Variants in BMERB1 observed in about 807,000 individuals in gnomAD.
BMERB1 encodes the protein bMERB domain-containing protein 1.
Under a neutral mutation model 23.6 loss-of-function variants are expected in BMERB1, and 12 were observed. The observed-to-expected ratio is 0.51, with a 90% confidence interval of 0.33 to 0.82. The LOEUF (loss-of-function observed/expected upper bound fraction) is 0.82, where lower values mean the gene tolerates loss of function less well. Ranked by LOEUF, BMERB1 falls within the 40% of genes least tolerant of loss-of-function variation. The pLI is 0.03. For missense variants in BMERB1, 247 were observed against 255.4 expected, an observed-to-expected ratio of 0.97 and a Z score of 0.22; for synonymous variants, 122 against 96.6, an observed-to-expected ratio of 1.26 and a Z score of -1.54.
In BMERB1 at chr16:15,505,887, CAAAAAAA is replaced by C. The variant is rs754187273; in HGVS notation, c.107-9406_107-9400del. 1.6e-4 allele frequency among the ~76,000 whole-genome samples: 9 copies of C among 55,650 alleles called. No individual in the cohort carries two copies. The South Asian group carries it at 4.4e-3, about 27-fold the overall frequency. The allele number at this position is 55,650 out of a possible 152,430, so 36.5% of individuals were successfully genotyped here. A position where few individuals can be genotyped will look rare whatever the true frequency, so the allele number is the denominator to read the frequency against. On this transcript the variant is annotated intron_variant, in intron 1 of 5. Coordinates refer to ENST00000300006, the MANE Select transcript of BMERB1 (RefSeq NM_033201.3). ...TGGGTGACAGAGCGAGACGCCGTTT[CAAAAAAA>C]AAAAAAAAAAAGTGAATGTCATGAC...
At chr16:15,485,057 T>C (rs1244272034) in intron 1 of BMERB1, among the ~76,000 whole-genome samples, 1 of 152,220 alleles carries the variant, frequency 6.6e-6, no homozygotes, top group African/African-American at 2.4e-5. Flanking sequence ...AGCCATCAGG[T>C]AGCAATCCCA....
At chr16:15,493,111 G>C (rs570445960) in intron 1 of BMERB1, among the ~76,000 whole-genome samples, 2 of 152,256 alleles carry the variant, frequency 1.3e-5, no homozygotes, top group African/African-American at 4.8e-5. Context: ...CCAGCACTTT[G>C]GGAGGCTGAG....
intron 1 of BMERB1, among the ~76,000 whole-genome samples, chr16:15,513,818 C>T (rs114411948): frequency 0.014 from 2,185 of 151,908 alleles, 58 homozygotes; most frequent in African/African-American, 0.051. Flanking sequence ...CACTCGAACC[C>T]GGGAGGTGAA....
At chr16:15,510,411 G>T (rs992527906) in intron 1 of BMERB1, among the ~76,000 whole-genome samples, 60 of 152,156 alleles carry the variant, frequency 3.9e-4, no homozygotes, top group African/African-American at 1.4e-3. Context: ...GAACTTGCTG[G>T]CTTATGGCGA....
At chr16:15,502,494 CTCATT>C in intron 1 of BMERB1, 1 of 889,736 alleles carries the variant, frequency 1.1e-6, no homozygotes, top group East Asian at 2.6e-5. Flanking sequence ...GAAACGGTGA[CTCATT>C]AAAAGCAACG....
intron 2 of BMERB1, among the ~76,000 whole-genome samples, chr16:15,524,716 A>T (rs1337213765): frequency 6.6e-6 from 1 of 152,212 alleles, no homozygotes; most frequent in Admixed American, 6.5e-5. Flanking sequence ...GGTTTCCATG[A>T]GCCAAGATTG....
At chr16:15,523,811 C>T (rs1235973458) in intron 2 of BMERB1, among the ~76,000 whole-genome samples, 2 of 152,168 alleles carry the variant, frequency 1.3e-5, no homozygotes, top group African/African-American at 2.4e-5. Context: ...CATTGTGCTT[C>T]GTGGGAGAGT....
chr16:15,578,063 G>C (rs1386689747), intron 3 of BMERB1, among the ~76,000 whole-genome samples: 3 of 152,078 alleles, frequency 2.0e-5, no homozygotes, highest in Non-Finnish European at 4.4e-5. Context: ...GCATTCCTTG[G>C]GGGGGAAATC....
chr16:15,509,147 T>C (rs533900898), intron 1 of BMERB1, among the ~76,000 whole-genome samples: 32 of 151,990 alleles, frequency 2.1e-4, no homozygotes, highest in African/African-American at 7.5e-4. Context: ...CGCCCCAGGG[T>C]GTGTTGCCGT....
intron 2 of BMERB1, among the ~76,000 whole-genome samples, chr16:15,562,016 A>G (rs1434857022): frequency 6.6e-6 from 1 of 152,088 alleles, no homozygotes; most frequent in East Asian, 1.9e-4. Flanking sequence ...ATTCCTATTT[A>G]AAACATGACG....
chr16:15,520,272 A>G (rs1567482114), intron 2 of BMERB1, among the ~76,000 whole-genome samples: 1 of 151,942 alleles, frequency 6.6e-6, no homozygotes, highest in Non-Finnish European at 1.5e-5. Context: ...CTTTATTCTC[A>G]ATGCCAGGAC....
chr16:15,540,111 C>T (rs1386878469), intron 2 of BMERB1, among the ~76,000 whole-genome samples: 2 of 152,128 alleles, frequency 1.3e-5, no homozygotes, highest in Non-Finnish European at 2.9e-5. Flanking sequence ...CACGCCACTG[C>T]ACTCCAACTT....
intron 1 of BMERB1, among the ~76,000 whole-genome samples, chr16:15,514,446 G>C (rs1037700620): frequency 6.6e-6 from 1 of 152,160 alleles, no homozygotes; most frequent in African/African-American, 2.4e-5. Context: ...AGCTGACAAG[G>C]CCTTAATCAG....
chr16:15,582,261 T>C (rs2031034083), intron 4 of BMERB1, among the ~76,000 whole-genome samples: 1 of 152,046 alleles, frequency 6.6e-6, no homozygotes, highest in Non-Finnish European at 1.5e-5. Flanking sequence ...TAGCCGGGCG[T>C]GGTGGTGCAT....
rs866472173 is a variant in BMERB1 at position 15,459,874 on chromosome 16, C to T, written c.106+25115C>T. ...GGTGTAGGGAAGATGTTTAAGAGCC[C>T]GTTTTAAACATCTGAGCTTCTGGTC... On this transcript the variant is annotated intron_variant, in intron 1 of 5. Coordinates refer to ENST00000300006, the MANE Select transcript of BMERB1 (RefSeq NM_033201.3). Among the ~76,000 whole-genome samples, 4 of 152,000 alleles carry T rather than the reference C, an allele frequency of 2.6e-5. 1 individual carries two copies. Among genetic ancestry groups the T allele is most frequent in the South Asian group, 4.2e-4 (2 of 4,818 alleles).
rs561794366 is a variant in BMERB1, at chr16:15,572,796, T to G, written c.304+4740T>G. Among the ~76,000 whole-genome samples, 3 of 152,286 alleles carry G rather than the reference T, an allele frequency of 2.0e-5. No homozygotes were observed. The South Asian group carries it at 6.2e-4, about 32-fold the overall frequency. On this transcript the variant is annotated intron_variant, in intron 3 of 5. Coordinates refer to ENST00000300006, the MANE Select transcript of BMERB1 (RefSeq NM_033201.3). ...TGTAGCTCCTATAATCCCCGTGTGT[T>G]GTGGGAGGGACCCAGTAGGAGATGA...
intron 5 of BMERB1, among the ~76,000 whole-genome samples, chr16:15,585,529 C>T (rs1851775874): frequency 6.6e-6 from 1 of 152,052 alleles, no homozygotes; most frequent in African/African-American, 2.4e-5. Context: ...AAGATGAGCC[C>T]TCAATAAAAA....
In BMERB1 at chr16:15,448,844, A is replaced by G. The variant is rs577690346; in HGVS notation, c.106+14085A>G. 1.1e-4 allele frequency among the ~76,000 whole-genome samples: 17 copies of G among 152,254 alleles called. No homozygotes were observed. In the East Asian group the frequency reaches 3.1e-3, roughly 28 times the overall value. On this transcript the variant is annotated intron_variant, in intron 1 of 5. Coordinates refer to ENST00000300006, the MANE Select transcript of BMERB1 (RefSeq NM_033201.3). ...TTCCTGATGCTGCCGTGAGATTAGC[A>G]TCCTCGCCTTCTGCTTTGAGGGAAA...
intron 1 of BMERB1, among the ~76,000 whole-genome samples, chr16:15,444,207 G>T (rs1158980549): frequency 4.4e-5 from 6 of 135,734 alleles, no homozygotes; most frequent in Non-Finnish European, 9.2e-5. Context: ...TCACTTATAT[G>T]AATGGGCTTG....
Sources: allele counts gnomAD v4.1 joint callset (sites outside exome capture counted in the v4.1 genomes callset), GRCh38; gene constraint gnomAD v4.1.1; transcripts MANE v1.5; gene names NCBI Gene and HGNC (gene_info 2026-07-23, HGNC 2026-07-21).